The following GGNBP2 variants were observed in gnomAD, a reference collection of about 807,000 sequenced individuals.
GGNBP2 encodes the protein gametogenetin-binding protein 2.
In GGNBP2, 10 loss-of-function variants were observed where a neutral mutation model predicts 85.9. That is an observed-to-expected ratio of 0.12 (90% CI 0.07 to 0.20). GGNBP2 has a LOEUF of 0.20. GGNBP2 is among the 10% of genes least tolerant of loss of function. GGNBP2 has a pLI of 1.00. For synonymous variants in GGNBP2, 287 were observed against 285.7 expected (o/e 1.00, Z -0.05); for missense variants, 595 against 857.8 (o/e 0.69, Z 3.83).
At chr17:36,545,421 G>A (rs1383339052) in intron 1 of GGNBP2, 198 bp from the exon 2 acceptor site, 3 of 355,814 alleles carry the variant, frequency 8.4e-6, no homozygotes, top group Non-Finnish European at 1.5e-5. Flanking sequence ...GCGGGCGGGC[G>A]GGAGAGAGGG....
chr17:36,575,287 C>T (rs1425169210), intron 6 of GGNBP2: 8 of 524,660 alleles, frequency 1.5e-5, no homozygotes, highest in African/African-American at 7.8e-5. Context: ...CCATCCCAGG[C>T]GATCCCCACC....
chr17:36,547,540 G>C (rs529238776), intron 2 of GGNBP2: 1 of 152,148 alleles, frequency 6.6e-6, no homozygotes, highest in Non-Finnish European at 1.5e-5. Context: ...CTGTCATATA[G>C]CACTTTAAAA....
intron 6 of GGNBP2, among the ~76,000 whole-genome samples, chr17:36,571,607 C>T (rs1320745909): frequency 2.6e-5 from 4 of 151,666 alleles, no homozygotes; most frequent in South Asian, 2.1e-4. Context: ...TTTGGGAGGC[C>T]GAGGCGGGCG....
At chr17:36,572,926 A>G (rs760178466) in intron 6 of GGNBP2, among the ~76,000 whole-genome samples, 31 of 152,088 alleles carry the variant, frequency 2.0e-4, no homozygotes, top group Non-Finnish European at 3.4e-4. Flanking sequence ...GGGATAATGT[A>G]GCACTTGAAT....
intron 5 of GGNBP2, 87 bp from the exon 6 acceptor site, chr17:36,567,573 AAAC>A: frequency 1.4e-6 from 1 of 689,688 alleles, no homozygotes; most frequent in East Asian, 2.7e-5. Flanking sequence ...AGCCAGGTAA[AAAC>A]AAGCAATACT....
intron 5 of GGNBP2, among the ~76,000 whole-genome samples, chr17:36,561,500 A>G (rs1021640851): frequency 1.3e-5 from 2 of 152,216 alleles, no homozygotes; most frequent in Non-Finnish European, 2.9e-5. Flanking sequence ...GATCTACAGA[A>G]TAGTCATAAT....
chr17:36,583,665 G>A (rs1398363657), intron 9 of GGNBP2, among the ~76,000 whole-genome samples: 1 of 151,738 alleles, frequency 6.6e-6, no homozygotes, highest in African/African-American at 2.4e-5. Flanking sequence ...GTTTTGCCTT[G>A]TTGCCCAGGC....
rs142592996 is a variant in GGNBP2, at chr17:36,580,039, A to C, written c.1020+620A>C. Reference sequence around the variant, plus strand: ...ACAAAAACAAAAACAAAAACAAAACAAAAAAAACACACATAACTAGTGAAA... The same window carrying C: ...ACAAAAACAAAAACAAAAACAAAACCAAAAAAACACACATAACTAGTGAAA... On this transcript the variant is annotated intron_variant, in intron 8 of 13. Transcript: ENST00000613102. Among the ~76,000 whole-genome samples, 229 of 151,696 alleles carry C rather than the reference A, an allele frequency of 1.5e-3. 2 individuals carry two copies. Among genetic ancestry groups the C allele is most frequent in the African/African-American group, 5.1e-3 (210 of 41,332 alleles).
intron 4 of GGNBP2, among the ~76,000 whole-genome samples, chr17:36,560,235 G>A (rs181761382): frequency 6.6e-6 from 1 of 152,146 alleles, no homozygotes; most frequent in African/African-American, 2.4e-5. Flanking sequence ...TGGGATTATA[G>A]GCATGAGCTA....
intron 2 of GGNBP2, among the ~76,000 whole-genome samples, chr17:36,551,245 C>T (rs1335793470): frequency 1.3e-5 from 2 of 149,578 alleles, no homozygotes; most frequent in Admixed American, 6.7e-5. Flanking sequence ...TTGCTCTTGT[C>T]GCTCAAGCTG....
chr17:36,571,842 CA>C, intron 6 of GGNBP2, among the ~76,000 whole-genome samples: 1 of 149,422 alleles, frequency 6.7e-6, no homozygotes. Flanking sequence ...GACTCCATCT[CA>C]AAAAAAAGAT....
At chr17:36,569,616 C>T (rs778802606) in intron 6 of GGNBP2, among the ~76,000 whole-genome samples, 40 of 152,144 alleles carry the variant, frequency 2.6e-4, no homozygotes, top group African/African-American at 8.7e-4. Context: ...CTAATGACTT[C>T]GCCCGCATAC....
At chr17:36,586,610 G>C (rs906104241) in intron 12 of GGNBP2, 1 of 257,204 alleles carries the variant, frequency 3.9e-6, no homozygotes, top group Non-Finnish European at 7.5e-6. Flanking sequence ...TCCTTCTAAA[G>C]GTTTAATACT....
At chr17:36,545,920 T>C in intron 2 of GGNBP2, 103 bp downstream of exon 2, 1 of 797,656 alleles carries the variant, frequency 1.3e-6, no homozygotes. Context: ...AAGAGTGTGT[T>C]GCAACTCCTA....
chr17:36,564,316 A>G (rs1490630048), intron 5 of GGNBP2, among the ~76,000 whole-genome samples: 2 of 152,254 alleles, frequency 1.3e-5, no homozygotes, highest in Admixed American at 1.3e-4. Context: ...ATCTGTGTTC[A>G]TTGCTGCCTT....
chr17:36,557,635 T>C (rs2074375696), intron 4 of GGNBP2, among the ~76,000 whole-genome samples: 1 of 152,000 alleles, frequency 6.6e-6, no homozygotes, highest in Non-Finnish European at 1.5e-5. Flanking sequence ...TAAAATGACA[T>C]TGAATATAGA....
At chr17:36,571,154 T>C (rs1159376969) in intron 6 of GGNBP2, among the ~76,000 whole-genome samples, 1 of 152,190 alleles carries the variant, frequency 6.6e-6, no homozygotes, top group Non-Finnish European at 1.5e-5. Flanking sequence ...TTTTTAAGGC[T>C]GGGCATTGTG....
rs186844067 is a variant in GGNBP2, at chr17:36,560,260, A to T, written c.429-513A>T. 4.6e-4 allele frequency among the ~76,000 whole-genome samples: 70 copies of T among 152,278 alleles called. 1 individual carries two copies. In the Middle Eastern group the frequency reaches 0.014, roughly 30 times the overall value. On this transcript the variant is annotated intron_variant, in intron 4 of 13. Coordinates refer to ENST00000613102, the MANE Select transcript of GGNBP2 (RefSeq NM_024835.5). ...GGCATGAGCTACTGCACCAGGCCTG[A>T]TTCTAGATAATATTTAAAAGGTAGA...
chr17:36,555,045 A>C, intron 3 of GGNBP2, 145 bp downstream of exon 3: 1 of 558,998 alleles, frequency 1.8e-6, no homozygotes, highest in Non-Finnish European at 3.2e-6. Flanking sequence ...TATAGTAAGC[A>C]TGCATAGTTA....
Sources: gnomAD v4.1 joint callset for allele counts (sites outside exome capture counted in the v4.1 genomes callset) on GRCh38, gnomAD v4.1.1 for gene constraint, MANE v1.5 for transcripts, NCBI Gene and HGNC (gene_info 2026-07-23, HGNC 2026-07-21) for gene names.